ANXA11: variants seen among roughly 807,000 people sequenced by gnomAD.
ANXA11 encodes the protein 56 kDa autoantigen.
ANXA11 carries 57 observed loss-of-function variants against 64.7 expected under a neutral mutation model. The observed-to-expected ratio is 0.88, with a 90% CI of 0.71 to 1.10. The LOEUF is 1.10. Ranked by LOEUF, ANXA11 falls within the 50% of genes least tolerant of loss-of-function variation. ANXA11 has a pLI of 0.00. For synonymous variants in ANXA11, 260 were observed against 265.2 expected (o/e 0.98, Z 0.19); for missense variants, 675 against 670.7 (o/e 1.01, Z -0.07).
intron 9 of ANXA11, 31 bp from the exon 10 acceptor site, chr10:80,163,644 T>C: frequency 6.5e-7 from 1 of 1,541,792 alleles, no homozygotes; most frequent in South Asian, 1.2e-5. Flanking sequence ...AGGTCCATCC[T>C]GTAGCTCTCT....
At chr10:80,163,932 A>T in intron 9 of ANXA11, 121 bp downstream of exon 9, 1 of 815,136 alleles carries the variant, frequency 1.2e-6, no homozygotes, top group Non-Finnish European at 1.9e-6. Context: ...GGGTGGCAGA[A>T]GATGGGTTGA....
At chr10:80,156,123 A>C (rs556444347) in intron 15 of ANXA11, among the ~76,000 whole-genome samples, 98 of 152,288 alleles carry the variant, frequency 6.4e-4, no homozygotes, top group African/African-American at 2.3e-3. Flanking sequence ...GGAAAGCAGC[A>C]CTCACCCCAG....
At chr10:80,182,522 G>A (rs1331933373) in intron 1 of ANXA11, among the ~76,000 whole-genome samples, 3 of 152,066 alleles carry the variant, frequency 2.0e-5, no homozygotes, top group Non-Finnish European at 4.4e-5. Flanking sequence ...TACATGCTCA[G>A]ATATATGTAC....
chr10:80,167,103 A>T, intron 6 of ANXA11, 119 bp from the exon 7 acceptor site: 1 of 1,253,060 alleles, frequency 8.0e-7, no homozygotes, highest in Non-Finnish European at 1.1e-6. Flanking sequence ...CCCCACATCC[A>T]CCTTCTATCA....
At chr10:80,165,696 T>C (rs117546928) in intron 8 of ANXA11, among the ~76,000 whole-genome samples, 1,690 of 152,288 alleles carry the variant, frequency 0.011, 11 homozygotes, top group Non-Finnish European at 0.019. Context: ...AACCGAAGTG[T>C]GTTTCTGTCA....
At position 80,166,950 on chromosome 10, in the gene ANXA11, C is replaced by T. The variant is rs561842051; in HGVS notation, c.684G>A (p.Gly228=). The T allele has an allele frequency of 2.5e-6, 4 of 1,607,810 alleles. No individual in the cohort carries two copies. Among genetic ancestry groups the T allele is most frequent in the Admixed American group, 1.7e-5 (1 of 59,496 alleles). The change falls in exon 7 of 16, where the codon GGG becomes GGA. Residue 228 remains glycine (G), a synonymous_variant. Transcript: ENST00000422982. ...GCTGCCGCTGCTTGTTGGAGCGACT[C>T]CCCAGGCAGTCAATGATGGCCTGCT... ...TDEQAIIDCL[G]SRSNKQRQQI...
chr10:80,171,960 G>C, intron 3 of ANXA11: 1 of 975,778 alleles, frequency 1.0e-6, no homozygotes, highest in Non-Finnish European at 1.2e-6. Flanking sequence ...GCCACCTCTA[G>C]GTCTGAGTCT....
chr10:80,156,599 T>C (rs12779139), intron 15 of ANXA11: 51,967 of 376,608 alleles, frequency 0.14, 4,352 homozygotes, highest in South Asian at 0.22. Context: ...CTGCAACCTC[T>C]GTCTCCCGGG....
chr10:80,168,502 A>C (rs534466503), intron 5 of ANXA11, among the ~76,000 whole-genome samples: 1 of 152,186 alleles, frequency 6.6e-6, no homozygotes, highest in Non-Finnish European at 1.5e-5. Flanking sequence ...GTCTGCAAGA[A>C]GGTGACGCTC....
intron 7 of ANXA11, 114 bp from the exon 8 acceptor site, chr10:80,166,311 ACATCCCCCAGGGGCCTGAGAGAAAAGC>A (rs1845738448): frequency 1.6e-6 from 1 of 639,358 alleles, no homozygotes; most frequent in Non-Finnish European, 2.7e-6. Context: ...AGCAGCATGG[ACATCCCCCAGGGGCCTGAGAGAAAAGC>A]CTGCTCTCAG....
At chr10:80,190,013 A>C (rs534342804) in intron 1 of ANXA11, among the ~76,000 whole-genome samples, 1 of 152,400 alleles carries the variant, frequency 6.6e-6, no homozygotes, top group East Asian at 1.9e-4. Context: ...CAAGCCAGGC[A>C]CAAAAGAACA....
rs1009923587 is a variant in ANXA11 at position 80,168,963 on chromosome 10, A to G, written c.561+6T>C. ...GGACCAAGGGAGGCAGTGGGCTGACACTCACCTGGGTTGGGGGCACAGCGG... is the reference window on the plus strand; with the variant it reads ...GGACCAAGGGAGGCAGTGGGCTGACGCTCACCTGGGTTGGGGGCACAGCGG... On this transcript the variant is annotated splice_donor_region_variant and intron_variant, in intron 5 of 15. Transcript: ENST00000422982. The G allele has an allele frequency of 1.3e-6, 2 of 1,520,914 alleles. No homozygotes were observed. The highest frequency in any genetic ancestry group is 1.8e-6 in the Non-Finnish European group (2 of 1,139,532). The allele number at this position is 1,520,914 out of a possible 1,614,324, so 94.2% of individuals were successfully genotyped here.
intron 3 of ANXA11, 50 bp downstream of exon 3, chr10:80,172,757 C>T: frequency 6.4e-7 from 1 of 1,572,430 alleles, no homozygotes; most frequent in South Asian, 1.1e-5. Flanking sequence ...CACTCCCAGC[C>T]ACTGTACAGA....
At chr10:80,173,186 G>A (rs967417371) in intron 2 of ANXA11, among the ~76,000 whole-genome samples, 1 of 152,258 alleles carries the variant, frequency 6.6e-6, no homozygotes, top group Non-Finnish European at 1.5e-5. Context: ...TGCCTCTGCT[G>A]GCAAGGGTGC....
At chr10:80,171,840 A>G (rs1236355663) in intron 3 of ANXA11, 1 of 985,512 alleles carries the variant, frequency 1.0e-6, no homozygotes, top group Non-Finnish European at 1.2e-6. Context: ...GGATGGCAGG[A>G]TTTCTACTAT....
At chr10:80,170,974 C>G in intron 3 of ANXA11, 59 bp from the exon 4 acceptor site, 1 of 1,541,464 alleles carries the variant, frequency 6.5e-7, no homozygotes, top group Non-Finnish European at 8.7e-7. Flanking sequence ...CGGGGAAAGG[C>G]AGAGATGAGA....
intron 4 of ANXA11, 23 bp from the exon 5 acceptor site, chr10:80,169,381 C>T (rs773184565): frequency 6.2e-7 from 1 of 1,600,712 alleles, no homozygotes; most frequent in African/African-American, 1.3e-5. Flanking sequence ...AAAGCAGAGC[C>T]TGAGGCCAAT....
At chr10:80,201,791 C>G (rs1663139284) in intron 1 of ANXA11, among the ~76,000 whole-genome samples, 1 of 152,158 alleles carries the variant, frequency 6.6e-6, no homozygotes, top group African/African-American at 2.4e-5. Context: ...CCCTTTCCCC[C>G]AGTGGTGCCA....
intron 1 of ANXA11, among the ~76,000 whole-genome samples, chr10:80,198,273 A>T (rs1840261075): frequency 6.6e-6 from 1 of 152,254 alleles, no homozygotes; most frequent in African/African-American, 2.4e-5. Context: ...GGTGTTCCAG[A>T]AACTTCTGAT....
Sources: allele counts gnomAD v4.1 joint callset (sites outside exome capture counted in the v4.1 genomes callset), GRCh38; gene constraint gnomAD v4.1.1; transcripts MANE v1.5; gene names NCBI Gene and HGNC (gene_info 2026-07-23, HGNC 2026-07-21).